OTOA: variants seen among roughly 807,000 people sequenced by gnomAD.
The protein encoded by OTOA is cancer/testis antigen 108.
In OTOA, 70 loss-of-function variants were observed where a neutral mutation model predicts 110.8. That is an observed-to-expected ratio of 0.63 (90% CI 0.52 to 0.77). The LOEUF is 0.77. Ranked by LOEUF, OTOA falls within the 30% of genes least tolerant of loss-of-function variation. The probability of loss-of-function intolerance (pLI) is 0.00; values close to 1 mark genes in which losing one functional copy is unlikely to be tolerated. For synonymous variants in OTOA, 373 were observed against 431.5 expected (o/e 0.86, Z 1.68); for missense variants, 917 against 1,075.8 (o/e 0.85, Z 2.06).
Position 21,679,231 on chromosome 16 carries a change from A to G in OTOA, c.179+20A>G, listed in dbSNP as rs1409652092. The stretch of plus-strand genomic sequence containing the variant: ...TCAAAGGTAAAATGCCCTAGAGGAG[A>G]GGGGAAGGGATGGTATAGATTTTTA... On this transcript the variant is annotated intron_variant, in intron 5 of 28. Coordinates refer to ENST00000646100, the MANE Select transcript of OTOA (RefSeq NM_144672.4). 1.2e-6 allele frequency: 2 copies of G among 1,610,624 alleles called. No individual in the cohort carries two copies. The highest frequency in any genetic ancestry group is 3.3e-5 in the Admixed American group (2 of 59,980).
chr16:21,678,433 T>A, intron 1 of OTOA, 78 bp from the exon 2 acceptor site: 1 of 898,556 alleles, frequency 1.1e-6, no homozygotes, highest in African/African-American at 1.7e-5. Flanking sequence ...TTTATATACA[T>A]GTATATATAT....
chr16:21,691,666 C>A lies in OTOA; in HGVS notation c.718C>A (p.Gln240Lys), dbSNP rs1490973455. 3 of 1,613,688 alleles carry A rather than the reference C, an allele frequency of 1.9e-6. No homozygotes were observed. The highest frequency in any genetic ancestry group is 2.5e-6 in the Non-Finnish European group (3 of 1,179,796). Residue 240 changes from glutamine to lysine, a missense_variant, in exon 9 of 29, where the codon CAG (glutamine) becomes AAG (lysine). Around this residue, in one of 6 missense-constraint regions of OTOA, gnomAD observed 840 missense variants for 910.2 expected, o/e 0.92. Coordinates refer to ENST00000646100, the MANE Select transcript of OTOA (RefSeq NM_144672.4). Reference sequence around the variant, plus strand: ...CTATTCCTGGATGACTGGAATACTGCAGACATCCTCCAATGCCACTGGTGA... The same window carrying A: ...CTATTCCTGGATGACTGGAATACTGAAGACATCCTCCAATGCCACTGGTGA... ...ALYSWMTGIL[Q>K]TSSNATDDSA... is the part of the protein sequence containing the mutation.
intron 18 of OTOA, among the ~76,000 whole-genome samples, chr16:21,723,344 G>T (rs909746117): frequency 6.6e-6 from 1 of 152,012 alleles, no homozygotes; most frequent in African/African-American, 2.4e-5. Flanking sequence ...GGGCCTGCAG[G>T]GTGGCCCTGC....
At chr16:21,721,180 G>T in intron 17 of OTOA, 1 of 407,860 alleles carries the variant, frequency 2.5e-6, no homozygotes, top group Non-Finnish European at 5.1e-6. Context: ...CTCCTAAAGT[G>T]CTGGGATTAC....
intron 1 of OTOA, among the ~76,000 whole-genome samples, chr16:21,673,145 C>T (rs1442327198): frequency 6.6e-6 from 1 of 152,070 alleles, no homozygotes; most frequent in Non-Finnish European, 1.5e-5. Context: ...AAGACTCTGT[C>T]TCTCAAGAAA....
intron 28 of OTOA, among the ~76,000 whole-genome samples, chr16:21,759,814 C>A (rs1309715948): frequency 6.6e-6 from 1 of 151,910 alleles, no homozygotes; most frequent in Non-Finnish European, 1.5e-5. Flanking sequence ...GCAGAGGAAT[C>A]GCTTGAACCT....
chr16:21,719,617 G>A lies in OTOA; in HGVS notation c.1806+113G>A. 4.8e-6 allele frequency: 5 copies of A among 1,046,578 alleles called. 1 individual carries two copies. Among genetic ancestry groups the A allele is most frequent in the Middle Eastern group, 4.0e-4 (2 of 4,988 alleles). 64.8% of individuals were successfully genotyped at this position (1,046,578 alleles called of 1,614,324 possible). On this transcript the variant is annotated intron_variant, in intron 17 of 28. Transcript: ENST00000646100. ...ATGCCAGAATCATTCAGACGCAAGT[G>A]ATGACTTAGGGCCAAAGATTGAGCC...
rs373410323 is a variant in OTOA at position 21,715,061 on chromosome 16, A to C, written c.1397A>C (p.Lys466Thr). 2.5e-6 allele frequency: 4 copies of C among 1,614,074 alleles called. No individual in the cohort carries two copies. In the African/African-American group the frequency reaches 4.0e-5, roughly 16 times the overall value. Residue 466 changes from lysine (K) to threonine (T), a missense_variant, in exon 14 of 29, where the codon AAA becomes ACA. Physicochemically the swap from Lys to Thr is moderately conservative, Grantham distance 78. Coordinates refer to ENST00000646100, the MANE Select transcript of OTOA (RefSeq NM_144672.4). ...AGCACCCAGGCCTTCTGCAGCATGAAACGCAAGGACATCTCGCAGGTCCTG... is the reference window on the plus strand; with the variant it reads ...AGCACCCAGGCCTTCTGCAGCATGACACGCAAGGACATCTCGCAGGTCCTG... ...GVSTQAFCSM[K>T]RKDISQVLRS...
rs980867838 is a variant in OTOA at position 21,664,040 on chromosome 16, C to G, written c.-197C>G. ...GCTTCGACAGATAGGAAGTCCCAGG[C>G]GGGGACTGTGACCCCCGCCGCTGCC... On this transcript the variant is annotated 5_prime_UTR_variant, in exon 1 of 29. Transcript: ENST00000646100. 1 of 152,188 alleles carries G rather than the reference C, an allele frequency of 6.6e-6. No homozygotes were observed. The allele number at this position is 152,188 out of a possible 1,614,324, so 9.4% of individuals were successfully genotyped here.
At position 21,733,871 on chromosome 16, in the gene OTOA, C is replaced by T. The variant is rs909340956; in HGVS notation, c.2302-2390C>T. Among the ~76,000 whole-genome samples, 12 of 152,160 alleles carry T rather than the reference C, an allele frequency of 7.9e-5. 1 individual carries two copies. Among genetic ancestry groups the T allele is most frequent in the African/African-American group, 2.7e-4 (11 of 41,432 alleles). ...CCGGAATGCAGTGGCACGATTTCGG[C>T]TCACTGCAACCTCCACCTCCTGGGT... is the stretch of plus-strand genomic sequence containing the variant. On this transcript the variant is annotated intron_variant, in intron 21 of 28. Coordinates refer to ENST00000646100, the MANE Select transcript of OTOA (RefSeq NM_144672.4).
chr16:21,728,826 A>C (rs1899015948), intron 20 of OTOA, among the ~76,000 whole-genome samples: 1 of 151,894 alleles, frequency 6.6e-6, no homozygotes, highest in Admixed American at 6.6e-5. Flanking sequence ...TGACCTCGTA[A>C]TCCACCCACC....
In OTOA at chr16:21,728,567, T is replaced by A. The variant is rs1047180138; in HGVS notation, c.2207+136T>A. On this transcript the variant is annotated intron_variant, in intron 20 of 28. Coordinates refer to ENST00000646100, the MANE Select transcript of OTOA (RefSeq NM_144672.4). The stretch of plus-strand genomic sequence containing the variant: ...AATTCTTATGCTTATTTTGGAAATG[T>A]GACCTTTCTTCTTTTGGCTTCAGAT... 3.5e-6 allele frequency: 4 copies of A among 1,132,090 alleles called. No individual in the cohort carries two copies. In the African/African-American group the frequency reaches 4.7e-5, roughly 13 times the overall value. 70.1% of individuals were successfully genotyped at this position (1,132,090 alleles called of 1,614,324 possible).
intron 1 of OTOA, among the ~76,000 whole-genome samples, chr16:21,670,301 C>T (rs569674978): frequency 1.5e-4 from 23 of 152,076 alleles, no homozygotes; most frequent in Non-Finnish European, 2.5e-4. Context: ...ATATCCTCTT[C>T]GTGCAATTTA....
At chr16:21,722,183 A>C (rs1469437611) in intron 17 of OTOA, among the ~76,000 whole-genome samples, 1 of 150,034 alleles carries the variant, frequency 6.7e-6, no homozygotes, top group Non-Finnish European at 1.5e-5. Context: ...AACTGCTTGA[A>C]CCTGGAAGGC....
chr16:21,697,953 C>A, intron 10 of OTOA, 78 bp downstream of exon 10: 1 of 1,282,550 alleles, frequency 7.8e-7, no homozygotes, highest in Non-Finnish European at 1.1e-6. Context: ...CTCTAATGTT[C>A]ATCCAGCCAG....
chr16:21,694,211 C>A (rs1401524412), intron 9 of OTOA, among the ~76,000 whole-genome samples: 1 of 152,086 alleles, frequency 6.6e-6, no homozygotes, highest in Non-Finnish European at 1.5e-5. Context: ...GAGGCCCAGG[C>A]AGGAGGATTA....
chr16:21,686,566 T>G (rs955676979), intron 7 of OTOA, among the ~76,000 whole-genome samples: 2 of 152,096 alleles, frequency 1.3e-5, no homozygotes, highest in Non-Finnish European at 2.9e-5. Flanking sequence ...ATGCTGGGGT[T>G]ATAGATGTGA....
intron 18 of OTOA, among the ~76,000 whole-genome samples, chr16:21,723,868 C>T (rs1424550632): frequency 6.6e-6 from 1 of 152,152 alleles, no homozygotes; most frequent in Admixed American, 6.5e-5. Context: ...ATGTTCTCTT[C>T]CCATCATTCT....
chr16:21,677,787 C>G (rs925144330), intron 1 of OTOA, among the ~76,000 whole-genome samples: 1 of 151,332 alleles, frequency 6.6e-6, no homozygotes, highest in African/African-American at 2.4e-5. Context: ...TGGCCAACTT[C>G]ATATCTTTTT....
Sources: allele counts gnomAD v4.1 joint callset (sites outside exome capture counted in the v4.1 genomes callset), GRCh38; gene constraint gnomAD v4.1.1; regional missense constraint gnomAD v4.1.1; transcripts MANE v1.5; gene names NCBI Gene and HGNC (gene_info 2026-07-23, HGNC 2026-07-21).